TUNAR: variants seen among roughly 807,000 people sequenced by gnomAD.
TUNAR encodes protein TUNAR.
At chr14:95,883,053 T>C (rs1889007079) in intron 2 of TUNAR, among the ~76,000 whole-genome samples, 2 of 152,222 alleles carry the variant, frequency 1.3e-5, no homozygotes, top group African/African-American at 4.8e-5. Flanking sequence ...CTTTATTGAA[T>C]ACTTCTAAAA....
At chr14:95,905,920 T>C (rs1465436958) in intron 2 of TUNAR, among the ~76,000 whole-genome samples, 1 of 152,240 alleles carries the variant, frequency 6.6e-6, no homozygotes, top group Non-Finnish European at 1.5e-5. Context: ...TAGACATTTC[T>C]TTTATCCTGT....
chr14:95,892,905 G>A (rs1889205493), intron 2 of TUNAR, among the ~76,000 whole-genome samples: 1 of 152,304 alleles, frequency 6.6e-6, no homozygotes, highest in Non-Finnish European at 1.5e-5. Flanking sequence ...ACAGCACCTC[G>A]ATATGTCTGG....
chr14:95,924,884 A>G (rs982639172), exon 3 of TUNAR: 21 of 152,244 alleles, frequency 1.4e-4, no homozygotes, highest in African/African-American at 5.1e-4. Context: ...AGGCTTCTAT[A>G]GTCTATGCCT....
chr14:95,924,612 T>C (rs1889755117), exon 3 of TUNAR: 1 of 152,264 alleles, frequency 6.6e-6, no homozygotes, highest in Non-Finnish European at 1.5e-5. Flanking sequence ...GAAAGGCACG[T>C]CTCACATGGT....
chr14:95,893,567 T>TC (rs920902054), intron 2 of TUNAR, among the ~76,000 whole-genome samples: 1 of 150,608 alleles, frequency 6.6e-6, no homozygotes, highest in Admixed American at 6.6e-5. Flanking sequence ...AGACCATGGA[T>TC]CCCCCCCACC....
At chr14:95,884,813 A>G (rs570890820) in intron 2 of TUNAR, among the ~76,000 whole-genome samples, 5 of 152,064 alleles carry the variant, frequency 3.3e-5, no homozygotes, top group Non-Finnish European at 5.9e-5. Context: ...GCGTGGTTGT[A>G]TCTCCGACTG....
intron 2 of TUNAR, among the ~76,000 whole-genome samples, chr14:95,879,662 C>T (rs568429942): frequency 7.6e-4 from 115 of 151,402 alleles, no homozygotes; most frequent in African/African-American, 2.5e-3. Context: ...AATAAGCCAT[C>T]GAGAATAAAT....
chr14:95,907,073 T>C (rs1889437367), intron 2 of TUNAR, among the ~76,000 whole-genome samples: 1 of 152,224 alleles, frequency 6.6e-6, no homozygotes, highest in Admixed American at 6.5e-5. Context: ...CACACTTTGC[T>C]TTTCTAAGTT....
chr14:95,880,101 C>T (rs868644333), intron 2 of TUNAR, among the ~76,000 whole-genome samples: 3 of 152,150 alleles, frequency 2.0e-5, no homozygotes, highest in Admixed American at 1.3e-4. Flanking sequence ...TTTCCATTTG[C>T]TGGGTCTGGG....
intron 2 of TUNAR, among the ~76,000 whole-genome samples, chr14:95,917,306 G>A (rs1026960007): frequency 2.6e-5 from 4 of 151,996 alleles, no homozygotes; most frequent in Admixed American, 1.3e-4. Flanking sequence ...TCAAAGACCC[G>A]TTTACCCCTG....
intron 2 of TUNAR, among the ~76,000 whole-genome samples, chr14:95,878,555 G>A (rs1006436427): frequency 1.5e-4 from 22 of 149,786 alleles, no homozygotes; most frequent in Admixed American, 1.3e-4. Context: ...AAATGATTCT[G>A]AGTGACAAAA....
chr14:95,918,179 G>A (rs1306451281), intron 2 of TUNAR, among the ~76,000 whole-genome samples: 2 of 152,136 alleles, frequency 1.3e-5, no homozygotes, highest in Non-Finnish European at 2.9e-5. Context: ...GAGATGTTTT[G>A]ATACAGGCAC....
intron 2 of TUNAR, among the ~76,000 whole-genome samples, chr14:95,906,600 A>G (rs999986326): frequency 3.3e-5 from 5 of 152,246 alleles, no homozygotes; most frequent in Non-Finnish European, 7.3e-5. Context: ...GCCTTATGCT[A>G]TCCAATCAAA....
chr14:95,904,347 G>A (rs1022125877), intron 2 of TUNAR, among the ~76,000 whole-genome samples: 1 of 152,158 alleles, frequency 6.6e-6, no homozygotes, highest in African/African-American at 2.4e-5. Flanking sequence ...TGCAAGGCCT[G>A]TGGAGGATGT....
chr14:95,901,189 G>A (rs531375164), intron 2 of TUNAR, among the ~76,000 whole-genome samples: 2 of 152,200 alleles, frequency 1.3e-5, no homozygotes, highest in Admixed American at 6.5e-5. Context: ...CTTTCTGACC[G>A]GCAGAGCTGA....
At chr14:95,920,285 G>A (rs938378910) in intron 2 of TUNAR, among the ~76,000 whole-genome samples, 1 of 151,964 alleles carries the variant, frequency 6.6e-6, no homozygotes, top group African/African-American at 2.4e-5. Flanking sequence ...GGGCACTGTG[G>A]GAGGCCCCTG....
At chr14:95,880,636 A>G (rs1267106007) in intron 2 of TUNAR, among the ~76,000 whole-genome samples, 2 of 152,190 alleles carry the variant, frequency 1.3e-5, no homozygotes, top group African/African-American at 4.8e-5. Context: ...AAGGAAGGGG[A>G]AGTATGTAAT....
intron 2 of TUNAR, among the ~76,000 whole-genome samples, chr14:95,899,276 T>TGTCCTTTGTCGAAGGTG (rs1294172626): frequency 6.6e-6 from 1 of 152,176 alleles, no homozygotes; most frequent in East Asian, 1.9e-4. Flanking sequence ...ATTGGCCTGA[T>TGTCCTTTGTCGAAGGTG]GTCCTTTGTC....
At chr14:95,893,652 G>C (rs1396638146) in intron 2 of TUNAR, among the ~76,000 whole-genome samples, 3 of 151,656 alleles carry the variant, frequency 2.0e-5, no homozygotes, top group Non-Finnish European at 4.4e-5. Flanking sequence ...GACAAGACCC[G>C]TTGCCAGAGA....
Sources: gnomAD v4.1 joint callset for allele counts (sites outside exome capture counted in the v4.1 genomes callset) on GRCh38, gnomAD v4.1.1 for gene constraint, MANE v1.5 for transcripts, NCBI Gene and HGNC (gene_info 2026-07-23, HGNC 2026-07-21) for gene names.